The following TBC1D7 variants were observed in gnomAD, a reference collection of about 807,000 sequenced individuals.
TBC1D7 encodes TBC1 domain family member 7.
A neutral mutation model predicts 35.3 loss-of-function variants in TBC1D7; 33 were observed. The observed-to-expected ratio is 0.93, with a 90% CI of 0.71 to 1.25. The LOEUF (loss-of-function observed/expected upper bound fraction) is 1.25. TBC1D7 is among the 50% of genes most tolerant of loss of function. The probability of loss-of-function intolerance (pLI) is 0.00; values close to 1 mark genes in which losing one functional copy is unlikely to be tolerated. For synonymous variants in TBC1D7, 135 were observed against 129.5 expected (o/e 1.04, Z -0.29); for missense variants, 362 against 365.3 (o/e 0.99, Z 0.07).
rs1338246465 is a variant in TBC1D7 at position 13,305,321 on chromosome 6, T to C, written c.796-134A>G. Reference sequence around the variant, plus strand: ...TTCAGAAAGTGACAGCATAAAAGACTTGCGTCACATGCTACCTGAGGACAT... The same window carrying C: ...TTCAGAAAGTGACAGCATAAAAGACCTGCGTCACATGCTACCTGAGGACAT... On this transcript the variant is annotated intron_variant, in intron 7 of 7. Coordinates refer to ENST00000379300, the MANE Select transcript of TBC1D7 (RefSeq NM_016495.6). 4 of 815,384 alleles carry C rather than the reference T, an allele frequency of 4.9e-6. No individual in the cohort carries two copies. In the East Asian group the frequency reaches 1.1e-4, roughly 22 times the overall value. The allele number at this position is 815,384 out of a possible 1,614,324, so 50.5% of individuals were successfully genotyped here.
At chr6:13,314,204 CAAAA>C (rs5874413) in intron 5 of TBC1D7, among the ~76,000 whole-genome samples, 4 of 109,088 alleles carry the variant, frequency 3.7e-5, no homozygotes, top group Admixed American at 1.7e-4. Context: ...GACTCCATCT[CAAAA>C]AAAAAAAAAA....
chr6:13,317,957 G>A (rs557538930), intron 4 of TBC1D7: 6 of 152,316 alleles, frequency 3.9e-5, no homozygotes, highest in Non-Finnish European at 8.8e-5. Flanking sequence ...GCCTTTAAGA[G>A]GTGACTGGAT....
chr6:13,306,223 C>T, intron 7 of TBC1D7, 175 bp downstream of exon 7: 3 of 483,826 alleles, frequency 6.2e-6, no homozygotes, highest in Non-Finnish European at 1.0e-5. Flanking sequence ...TATTATTTCT[C>T]TTAAATAATT....
rs774202901 is a variant in TBC1D7 at position 13,306,427 on chromosome 6, C to T, written c.766G>A (p.Ala256Thr). ...TCCAGAAACTTTGTTATCTTCTCTG[C>T]ACTGTTCAGTGCCATAACTTTTATT... ...FKIKVMALNS[A>T]EKITKFLENI... The change falls in exon 7 of 8, where the codon GCA becomes ACA. Residue 256 changes from alanine (A) to threonine (T), a missense_variant. Transcript: ENST00000379300. 5 of 1,604,176 alleles carry T rather than the reference C, an allele frequency of 3.1e-6. No homozygotes were observed. Among genetic ancestry groups the T allele is most frequent in the Non-Finnish European group, 4.2e-6 (5 of 1,177,430 alleles).
At chr6:13,306,615 T>C (rs1452604618) in intron 6 of TBC1D7, 88 bp from the exon 7 acceptor site, 3 of 1,090,282 alleles carry the variant, frequency 2.8e-6, no homozygotes, top group Admixed American at 5.7e-5. Context: ...TAAAATCAAA[T>C]TGCTCCAATT....
intron 5 of TBC1D7, among the ~76,000 whole-genome samples, chr6:13,308,082 G>A (rs3823442): frequency 0.12 from 18,741 of 152,198 alleles, 1,378 homozygotes; most frequent in East Asian, 0.34. Context: ...GCAAAATTCA[G>A]TTGTTCTGAG....
chr6:13,310,946 A>T (rs1783168917), intron 5 of TBC1D7, among the ~76,000 whole-genome samples: 1 of 152,154 alleles, frequency 6.6e-6, no homozygotes, highest in Non-Finnish European at 1.5e-5. Context: ...GATAGATGTG[A>T]TTTATTATAA....
chr6:13,312,060 C>A (rs1032681661), intron 5 of TBC1D7, among the ~76,000 whole-genome samples: 1 of 151,928 alleles, frequency 6.6e-6, no homozygotes, highest in South Asian at 2.1e-4. Flanking sequence ...ACAAATACAC[C>A]ATGTAAGTGC....
intron 5 of TBC1D7, among the ~76,000 whole-genome samples, chr6:13,315,703 T>C (rs1437017961): frequency 3.9e-5 from 6 of 152,208 alleles, no homozygotes; most frequent in Non-Finnish European, 8.8e-5. Context: ...GGCGACAGCA[T>C]GAGACTCCAT....
At chr6:13,317,443 GTTAAAAA>G (rs1440995431) in intron 4 of TBC1D7, among the ~76,000 whole-genome samples, 2 of 152,132 alleles carry the variant, frequency 1.3e-5, no homozygotes, top group Non-Finnish European at 2.9e-5. Context: ...GGATTTTAAT[GTTAAAAA>G]GAAACTAAGA....
At chr6:13,316,129 G>A (rs1325364356) in intron 5 of TBC1D7, among the ~76,000 whole-genome samples, 5 of 152,246 alleles carry the variant, frequency 3.3e-5, no homozygotes, top group Non-Finnish European at 5.9e-5. Flanking sequence ...CTGTGGTTCT[G>A]CAGCGCCAGC....
chr6:13,327,041 G>A lies in TBC1D7; in HGVS notation c.-8-135C>T, dbSNP rs138184283. On this transcript the variant is annotated intron_variant, in intron 1 of 7. Coordinates refer to ENST00000379300, the MANE Select transcript of TBC1D7 (RefSeq NM_016495.6). ...TTTCAATATGATGTACCCTTGCATA[G>A]GACCCAATATTAAATTTTTCCTTTA... is the stretch of plus-strand genomic sequence containing the variant. 2.7e-5 allele frequency: 14 copies of A among 526,932 alleles called. No individual in the cohort carries two copies. In the East Asian group the frequency reaches 4.6e-4, roughly 17 times the overall value. The allele number at this position is 526,932 out of a possible 1,614,324, so 32.6% of individuals were successfully genotyped here.
At chr6:13,312,005 T>C (rs1584536648) in intron 5 of TBC1D7, among the ~76,000 whole-genome samples, 2 of 152,036 alleles carry the variant, frequency 1.3e-5, no homozygotes, top group East Asian at 3.9e-4. Flanking sequence ...AAATCCAGTA[T>C]ATGATAAAGG....
At chr6:13,313,997 G>A (rs982263594) in intron 5 of TBC1D7, among the ~76,000 whole-genome samples, 7 of 152,020 alleles carry the variant, frequency 4.6e-5, no homozygotes, top group Admixed American at 2.0e-4. Context: ...CCGAGGGGGC[G>A]GATCACAAGG....
At chr6:13,317,734 A>C (rs1164128708) in intron 4 of TBC1D7, among the ~76,000 whole-genome samples, 1 of 152,232 alleles carries the variant, frequency 6.6e-6, no homozygotes, top group East Asian at 1.9e-4. Flanking sequence ...GAAAGGTGGC[A>C]TATCACTGAC....
intron 6 of TBC1D7, 124 bp downstream of exon 6, chr6:13,307,476 G>C (rs1782889013): frequency 6.5e-6 from 6 of 922,862 alleles, no homozygotes; most frequent in Non-Finnish European, 1.0e-5. Flanking sequence ...AGCTGCTGGA[G>C]GACTGAGCTT....
Position 13,306,410 on chromosome 6 carries a change from CTT to C in TBC1D7, c.781_782del (p.Lys261ValfsTer19), listed in dbSNP as rs762613362. 9.5e-6 allele frequency: 15 copies of C among 1,582,064 alleles called. No individual in the cohort carries two copies. The highest frequency in any genetic ancestry group is 1.3e-5 in the Non-Finnish European group (15 of 1,171,274). ...MALNSAEKIT[K>X]FLENIPQDSS... ...AAAGCACACTTACATTTTCCAGAAA[CTT>C]TGTTATCTTCTCTGCACTGTTCAGT... is the stretch of plus-strand genomic sequence containing the variant. On this transcript the variant is annotated frameshift_variant, in exon 7 of 8. Coordinates refer to ENST00000379300, the MANE Select transcript of TBC1D7 (RefSeq NM_016495.6). LOFTEE classifies it high-confidence loss of function.
chr6:13,306,575 T>G (rs772997883), intron 6 of TBC1D7, 48 bp from the exon 7 acceptor site: 2 of 1,445,326 alleles, frequency 1.4e-6, no homozygotes, highest in Non-Finnish European at 1.9e-6. Flanking sequence ...TTCAGAATTA[T>G]GTTTAGCCTA....
chr6:13,320,566 T>G, intron 4 of TBC1D7: 1 of 571,508 alleles, frequency 1.7e-6, no homozygotes, highest in Non-Finnish European at 3.1e-6. Flanking sequence ...ATTTTTTATT[T>G]TTTAACTTTT....
Sources: gnomAD v4.1 joint callset for allele counts (sites outside exome capture counted in the v4.1 genomes callset) on GRCh38, gnomAD v4.1.1 for gene constraint, MANE v1.5 for transcripts, NCBI Gene and HGNC (gene_info 2026-07-23, HGNC 2026-07-21) for gene names.